Variants in NR3C2 observed in about 807,000 individuals in gnomAD.
The protein encoded by NR3C2 is mineralocorticoid receptor.
Under a neutral mutation model 86.4 loss-of-function variants are expected in NR3C2, and 15 were observed. The observed-to-expected ratio is 0.17, with a 90% CI of 0.12 to 0.27. The LOEUF (loss-of-function observed/expected upper bound fraction) is 0.27. Ranked by LOEUF, NR3C2 falls within the 10% of genes least tolerant of loss-of-function variation. The pLI is 1.00. For missense variants in NR3C2, 960 were observed against 1,195.6 expected, an observed-to-expected ratio of 0.80 and a Z score of 2.91; for synonymous variants, 458 against 450.5, an observed-to-expected ratio of 1.02 and a Z score of -0.21.
At chr4:148,234,035 T>C (rs1251883911) in intron 3 of NR3C2, among the ~76,000 whole-genome samples, 1 of 152,120 alleles carries the variant, frequency 6.6e-6, no homozygotes, top group Non-Finnish European at 1.5e-5. Context: ...TATAATAAAC[T>C]GAGGTATGCC....
chr4:148,421,019 A>G (rs1185097283), intron 2 of NR3C2, among the ~76,000 whole-genome samples: 1 of 152,214 alleles, frequency 6.6e-6, no homozygotes, highest in Non-Finnish European at 1.5e-5. Flanking sequence ...CTTTACAGCA[A>G]TACAAGAACA....
At chr4:148,399,389 T>C (rs202048322) in intron 2 of NR3C2, among the ~76,000 whole-genome samples, 1 of 151,776 alleles carries the variant, frequency 6.6e-6, no homozygotes, top group East Asian at 1.9e-4. Flanking sequence ...TTATATATAA[T>C]ACACTACATA....
At chr4:148,420,449 T>C (rs1749227778) in intron 2 of NR3C2, among the ~76,000 whole-genome samples, 1 of 152,234 alleles carries the variant, frequency 6.6e-6, no homozygotes, top group African/African-American at 2.4e-5. Context: ...ATAATTTTAT[T>C]AACGAAATTA....
intron 2 of NR3C2, among the ~76,000 whole-genome samples, chr4:148,410,254 G>A (rs1452048706): frequency 6.6e-6 from 1 of 152,108 alleles, no homozygotes; most frequent in Non-Finnish European, 1.5e-5. Context: ...CAAACCAGCT[G>A]GCTGCTTCTC....
rs909140782 is a variant in NR3C2, at chr4:148,439,832, A to C, written c.-3+2328T>G. ...ATATCCCACATTTGTGAGGCTACGGAAGACCTGAAGAGAATCTATACTGGA... is the reference window on the plus strand; with the variant it reads ...ATATCCCACATTTGTGAGGCTACGGCAGACCTGAAGAGAATCTATACTGGA... On this transcript the variant is annotated intron_variant, in intron 1 of 8. Coordinates refer to ENST00000358102, the MANE Select transcript of NR3C2 (RefSeq NM_000901.5). Among the ~76,000 whole-genome samples, 3 of 152,224 alleles carry C rather than the reference A, an allele frequency of 2.0e-5. No homozygotes were observed. In the South Asian group the frequency reaches 6.2e-4, roughly 31 times the overall value.
intron 3 of NR3C2, among the ~76,000 whole-genome samples, chr4:148,202,260 T>C (rs1736760744): frequency 6.6e-6 from 1 of 152,256 alleles, no homozygotes; most frequent in Non-Finnish European, 1.5e-5. Context: ...CGAACACCTC[T>C]GCCCACCCTT....
At chr4:148,238,886 G>A (rs1050740660) in intron 3 of NR3C2, among the ~76,000 whole-genome samples, 3 of 152,150 alleles carry the variant, frequency 2.0e-5, no homozygotes, top group African/African-American at 7.2e-5. Flanking sequence ...GGAAGCTTCG[G>A]CCACCTCTAA....
Position 148,081,515 on chromosome 4 carries a change from A to G in NR3C2, c.2800-16T>C. On this transcript the variant is annotated splice_polypyrimidine_tract_variant and intron_variant, in intron 8 of 8. Transcript: ENST00000358102. ...CGCTCACCAGCTGTAACACAGACAC[A>G]GGGGGCATGACACGGGGGCCTCCTT... is the stretch of plus-strand genomic sequence containing the variant. 1 of 1,613,854 alleles carries G rather than the reference A, an allele frequency of 6.2e-7. No homozygotes were observed. The highest frequency in any genetic ancestry group is 1.7e-4 in the Middle Eastern group (1 of 6,058).
intron 2 of NR3C2, among the ~76,000 whole-genome samples, chr4:148,387,926 C>A (rs915175793): frequency 6.6e-6 from 1 of 152,148 alleles, no homozygotes; most frequent in Non-Finnish European, 1.5e-5. Flanking sequence ...ACCTATTTAC[C>A]ATCAAATATT....
intron 2 of NR3C2, among the ~76,000 whole-genome samples, chr4:148,415,252 G>A (rs1748934995): frequency 6.6e-6 from 1 of 152,196 alleles, no homozygotes; most frequent in South Asian, 2.1e-4. Context: ...CGCAGGAACT[G>A]AAGGAGTCAA....
chr4:148,188,586 T>A (rs1454185316), intron 4 of NR3C2, among the ~76,000 whole-genome samples: 1 of 152,208 alleles, frequency 6.6e-6, no homozygotes, highest in Non-Finnish European at 1.5e-5. Flanking sequence ...TATTCTTGTA[T>A]CCGGAGACGT....
intron 3 of NR3C2, among the ~76,000 whole-genome samples, chr4:148,254,621 A>G (rs1739738166): frequency 1.3e-5 from 2 of 152,240 alleles, no homozygotes; most frequent in South Asian, 4.1e-4. Context: ...GTTCATTAAA[A>G]TCATAGATAT....
intron 2 of NR3C2, among the ~76,000 whole-genome samples, chr4:148,342,638 G>A (rs1744802171): frequency 6.6e-6 from 1 of 152,086 alleles, no homozygotes. Flanking sequence ...CTGCTGTGGG[G>A]ATTTTTTTAA....
At chr4:148,272,118 C>T (rs1008930417) in intron 2 of NR3C2, among the ~76,000 whole-genome samples, 1 of 152,102 alleles carries the variant, frequency 6.6e-6, no homozygotes, top group Non-Finnish European at 1.5e-5. Context: ...ACCAAACACA[C>T]AAAAATCCTG....
intron 2 of NR3C2, among the ~76,000 whole-genome samples, chr4:148,323,846 G>A (rs921385305): frequency 4.1e-5 from 6 of 146,494 alleles, no homozygotes; most frequent in African/African-American, 5.3e-5. Context: ...CTTCTGCGTC[G>A]CTCACGCTGG....
intron 1 of NR3C2, among the ~76,000 whole-genome samples, chr4:148,440,736 A>ATTT (rs1750297903): frequency 6.6e-6 from 1 of 152,262 alleles, no homozygotes; most frequent in Non-Finnish European, 1.5e-5. Context: ...GGAAAACCTT[A>ATTT]AAGTTTTACG....
rs184050326 is a variant in NR3C2 at position 148,196,217 on chromosome 4, G to A, written c.1898-1355C>T. ...AGTTAAGAAGGCCTTAAGATTCTTGGGCTAAACAAGTAGAAAAAGGGGACT... is the reference window on the plus strand; with the variant it reads ...AGTTAAGAAGGCCTTAAGATTCTTGAGCTAAACAAGTAGAAAAAGGGGACT... On this transcript the variant is annotated intron_variant, in intron 3 of 8. Coordinates refer to ENST00000358102, the MANE Select transcript of NR3C2 (RefSeq NM_000901.5). Among the ~76,000 whole-genome samples the A allele has an allele frequency of 2.0e-5, 3 of 152,268 alleles. No individual in the cohort carries two copies. In the East Asian group the frequency reaches 5.8e-4, roughly 29 times the overall value.
chr4:148,130,254 C>G (rs539255528), intron 6 of NR3C2, among the ~76,000 whole-genome samples: 1 of 152,322 alleles, frequency 6.6e-6, no homozygotes, highest in African/African-American at 2.4e-5. Context: ...TTTCCACGAA[C>G]TCACATTTAA....
chr4:148,412,796 C>T (rs1027178017), intron 2 of NR3C2, among the ~76,000 whole-genome samples: 3 of 147,600 alleles, frequency 2.0e-5, no homozygotes, highest in Admixed American at 6.9e-5. Flanking sequence ...TATGCACATA[C>T]GTGCATACAC....
Sources: allele counts gnomAD v4.1 joint callset (sites outside exome capture counted in the v4.1 genomes callset), GRCh38; gene constraint gnomAD v4.1.1; transcripts MANE v1.5; gene names NCBI Gene and HGNC (gene_info 2026-07-23, HGNC 2026-07-21).